Variants in HDAC2 observed in about 807,000 individuals in gnomAD.
HDAC2 encodes the protein histone deacetylase 2.
HDAC2 carries 5 observed loss-of-function variants against 68.5 expected under a neutral mutation model. That is an observed-to-expected ratio of 0.07 (90% CI 0.04 to 0.15). HDAC2 has a LOEUF of 0.15. HDAC2 is among the 10% of genes least tolerant of loss of function. The pLI is 1.00. For synonymous variants in HDAC2, 182 were observed against 191.3 expected, an observed-to-expected ratio of 0.95 and a Z score of 0.40; for missense variants, 291 against 600.8, an observed-to-expected ratio of 0.48 and a Z score of 5.39.
chr6:113,955,362 C>T (rs573602114), intron 5 of HDAC2, among the ~76,000 whole-genome samples: 58 of 151,486 alleles, frequency 3.8e-4, no homozygotes, highest in African/African-American at 1.3e-3. Flanking sequence ...TACAGGCGCA[C>T]GCCACCACGC....
chr6:113,968,463 G>A (rs1776880599), intron 1 of HDAC2: 1 of 152,118 alleles, frequency 6.6e-6, no homozygotes, highest in Non-Finnish European at 1.5e-5. Flanking sequence ...TAAGTTTTTG[G>A]ATGAGGTCAG....
intron 1 of HDAC2, among the ~76,000 whole-genome samples, chr6:113,969,051 T>C (rs1470932515): frequency 1.3e-5 from 2 of 152,208 alleles, no homozygotes; most frequent in Non-Finnish European, 2.9e-5. Context: ...TTAGAAACAA[T>C]GTAATTTTAC....
chr6:113,949,939 G>A (rs1414452881), intron 6 of HDAC2, among the ~76,000 whole-genome samples: 2 of 152,090 alleles, frequency 1.3e-5, no homozygotes, highest in Admixed American at 1.3e-4. Context: ...GTGCCACCAT[G>A]CCAGGCTAAT....
At chr6:113,954,858 C>T (rs1037822463) in intron 5 of HDAC2, among the ~76,000 whole-genome samples, 1 of 151,728 alleles carries the variant, frequency 6.6e-6, no homozygotes, top group South Asian at 2.1e-4. Flanking sequence ...AAATAACTAA[C>T]ATTGCGAACA....
At chr6:113,950,278 C>G (rs975405453) in intron 6 of HDAC2, among the ~76,000 whole-genome samples, 13 of 152,024 alleles carry the variant, frequency 8.6e-5, no homozygotes, top group Non-Finnish European at 1.0e-4. Context: ...ATATGCATTT[C>G]TGTGTGTGTA....
intron 5 of HDAC2, among the ~76,000 whole-genome samples, chr6:113,953,751 A>G (rs1343281324): frequency 1.3e-5 from 2 of 152,280 alleles, no homozygotes; most frequent in Non-Finnish European, 1.5e-5. Context: ...ACACCTCTGT[A>G]GTAAATCTTC....
rs974382871 is a variant in HDAC2 at position 113,936,170 on chromosome 6, A to G, written c.*4888T>C. On this transcript the variant is annotated 3_prime_UTR_variant, in exon 14 of 14. Coordinates refer to ENST00000519065, the MANE Select transcript of HDAC2 (RefSeq NM_001527.4). The stretch of plus-strand genomic sequence containing the variant: ...AGTAAACTTAATTGTAGTTTAATTC[A>G]AAGTTTTTAATCCAATATTGCATTC... 23 of 152,220 alleles carry G rather than the reference A, an allele frequency of 1.5e-4. No individual in the cohort carries two copies. Among genetic ancestry groups the G allele is most frequent in the Non-Finnish European group, 2.2e-4 (15 of 68,028 alleles). 9.4% of individuals were successfully genotyped at this position (152,220 alleles called of 1,614,324 possible).
At chr6:113,942,810 G>C (rs1776167445) in intron 12 of HDAC2, among the ~76,000 whole-genome samples, 1 of 152,152 alleles carries the variant, frequency 6.6e-6, no homozygotes, top group Non-Finnish European at 1.5e-5. Context: ...TTTAAAGTAA[G>C]GCAATGTATC....
intron 1 of HDAC2, among the ~76,000 whole-genome samples, chr6:113,964,624 G>A (rs1044168172): frequency 6.6e-6 from 1 of 152,250 alleles, no homozygotes; most frequent in African/African-American, 2.4e-5. Flanking sequence ...GGGACCAGTC[G>A]TCTGTCTATG....
chr6:113,961,956 A>C (rs2114615312), intron 1 of HDAC2, among the ~76,000 whole-genome samples: 1 of 152,262 alleles, frequency 6.6e-6, no homozygotes, highest in African/African-American at 2.4e-5. Flanking sequence ...ACCCAAATGA[A>C]ATGTCTCTAA....
intron 6 of HDAC2, among the ~76,000 whole-genome samples, chr6:113,950,898 G>A (rs915716237): frequency 6.6e-6 from 1 of 152,032 alleles, no homozygotes; most frequent in African/African-American, 2.4e-5. Context: ...GAGAAAGCAA[G>A]CAAAATTACA....
chr6:113,958,425 A>G, intron 3 of HDAC2: 1 of 391,660 alleles, frequency 2.6e-6, no homozygotes, highest in Non-Finnish European at 4.5e-6. Flanking sequence ...GCAAACTAGG[A>G]GTAGAAGAAT....
At chr6:113,960,516 A>C (rs1451318010) in intron 1 of HDAC2, among the ~76,000 whole-genome samples, 3 of 152,030 alleles carry the variant, frequency 2.0e-5, no homozygotes, top group Non-Finnish European at 4.4e-5. Flanking sequence ...TGGTAACTGA[A>C]ATTTAGGTCC....
chr6:113,958,584 C>G lies in HDAC2; in HGVS notation c.283+65G>C, dbSNP rs1776608771. 10 of 782,806 alleles carry G rather than the reference C, an allele frequency of 1.3e-5. No individual in the cohort carries two copies. In the South Asian group the frequency reaches 1.6e-4, roughly 13 times the overall value. The allele number at this position is 782,806 out of a possible 1,614,324, so 48.5% of individuals were successfully genotyped here. A position where few individuals can be genotyped will look rare whatever the true frequency, so the allele number is the denominator to read the frequency against. On this transcript the variant is annotated intron_variant, in intron 3 of 13. Transcript: ENST00000519065. ...GAAAAATATTCAGATTTAGATCATT[C>G]TAAGCTCCTAAAAATACTAATTTAC... is the stretch of plus-strand genomic sequence containing the variant.
chr6:113,966,927 A>G (rs1776836973), intron 1 of HDAC2, among the ~76,000 whole-genome samples: 1 of 152,212 alleles, frequency 6.6e-6, no homozygotes, highest in Non-Finnish European at 1.5e-5. Flanking sequence ...TAATTAATTT[A>G]GCACTTATTT....
At chr6:113,953,938 C>T (rs534889696) in intron 5 of HDAC2, among the ~76,000 whole-genome samples, 3 of 152,184 alleles carry the variant, frequency 2.0e-5, no homozygotes, top group South Asian at 2.1e-4. Context: ...ATTTCAGTGT[C>T]CATAAAAAAA....
chr6:113,948,930 G>A (rs1776332245), intron 8 of HDAC2, 49 bp downstream of exon 8: 4 of 1,594,934 alleles, frequency 2.5e-6, no homozygotes, highest in Non-Finnish European at 3.4e-6. Flanking sequence ...GTTCTTGGGT[G>A]GAAGAAAAAC....
At chr6:113,957,945 C>T (rs1268632905) in intron 3 of HDAC2, among the ~76,000 whole-genome samples, 1 of 151,858 alleles carries the variant, frequency 6.6e-6, no homozygotes, top group Non-Finnish European at 1.5e-5. Flanking sequence ...TACATTGTAG[C>T]ATTATAACAA....
At chr6:113,955,126 T>C (rs1303714562) in intron 5 of HDAC2, among the ~76,000 whole-genome samples, 7 of 152,252 alleles carry the variant, frequency 4.6e-5, no homozygotes, top group Admixed American at 4.6e-4. Flanking sequence ...TGTCATTTTT[T>C]ACTAGTTGAA....
Sources: gnomAD v4.1 joint callset for allele counts (sites outside exome capture counted in the v4.1 genomes callset) on GRCh38, gnomAD v4.1.1 for gene constraint, MANE v1.5 for transcripts, NCBI Gene and HGNC (gene_info 2026-07-23, HGNC 2026-07-21) for gene names.